Variants in AGBL1 observed in about 807,000 individuals in gnomAD.
The protein encoded by AGBL1 is cytosolic carboxypeptidase 4.
AGBL1 carries 130 observed loss-of-function variants against 118.9 expected under a neutral mutation model. That is an observed-to-expected ratio of 1.09 (90% CI 0.95 to 1.26). The LOEUF (loss-of-function observed/expected upper bound fraction) is 1.26. Ranked by LOEUF, AGBL1 falls within the 50% of genes most tolerant of loss-of-function variation. The pLI, the probability that AGBL1 is intolerant of heterozygous loss-of-function variation, is 0.00. For missense variants in AGBL1, 1,584 were observed against 1,298.1 expected (o/e 1.22, Z -3.38); for synonymous variants, 555 against 478.9 (o/e 1.16, Z -2.08).
chr15:86,986,970 G>A (rs572736224), intron 23 of AGBL1, among the ~76,000 whole-genome samples: 2 of 151,444 alleles, frequency 1.3e-5, no homozygotes, highest in Non-Finnish European at 3.0e-5. Flanking sequence ...ACAGTCAAAG[G>A]GGGGAGTTGT....
At chr15:86,522,981 T>C (rs920512705) in intron 19 of AGBL1, 42 bp downstream of exon 19, 1 of 1,593,160 alleles carries the variant, frequency 6.3e-7, no homozygotes, top group Non-Finnish European at 8.6e-7. Context: ...GGCTGCTTCC[T>C]TCTACCTTCC....
intron 20 of AGBL1, among the ~76,000 whole-genome samples, chr15:86,550,158 G>A (rs1254623782): frequency 1.3e-5 from 2 of 150,898 alleles, no homozygotes; most frequent in African/African-American, 4.9e-5. Context: ...CAAAAAGAGA[G>A]GAAAATAAAT....
intron 18 of AGBL1, among the ~76,000 whole-genome samples, chr15:86,499,345 G>A (rs939463013): frequency 1.3e-5 from 2 of 151,856 alleles, no homozygotes; most frequent in Non-Finnish European, 2.9e-5. Context: ...TTCTGGCTAG[G>A]CTGGGATTCT....
chr15:86,845,193 C>A (rs969349011), intron 22 of AGBL1, among the ~76,000 whole-genome samples: 11 of 151,980 alleles, frequency 7.2e-5, no homozygotes, highest in African/African-American at 2.7e-4. Flanking sequence ...TACAAAAGGT[C>A]TGTTGAGATT....
intron 22 of AGBL1, among the ~76,000 whole-genome samples, chr15:86,886,430 G>A (rs750757476): frequency 3.9e-5 from 6 of 152,160 alleles, no homozygotes; most frequent in Non-Finnish European, 7.3e-5. Context: ...AAGCAGCAGA[G>A]ATATTTGGTT....
intron 18 of AGBL1, among the ~76,000 whole-genome samples, chr15:86,509,053 A>C (rs2083021094): frequency 6.6e-6 from 1 of 152,180 alleles, no homozygotes; most frequent in African/African-American, 2.4e-5. Flanking sequence ...TGAGAGTCTA[A>C]AATTTAACAA....
intron 21 of AGBL1, among the ~76,000 whole-genome samples, chr15:86,654,103 A>T (rs953519304): frequency 7.2e-5 from 11 of 152,168 alleles, no homozygotes; most frequent in Non-Finnish European, 1.6e-4. Flanking sequence ...TCAAAATGCG[A>T]AGATTTTATT....
intron 9 of AGBL1, among the ~76,000 whole-genome samples, chr15:86,258,502 C>A (rs1440485106): frequency 6.6e-6 from 1 of 152,156 alleles, no homozygotes; most frequent in Non-Finnish European, 1.5e-5. Flanking sequence ...CACAACCTGG[C>A]CAGCAGAGAA....
intron 23 of AGBL1, among the ~76,000 whole-genome samples, chr15:86,925,164 G>GGAGGAGGAGGAGGAA (rs1254783834): frequency 8.1e-6 from 1 of 122,826 alleles, no homozygotes; most frequent in Non-Finnish European, 1.6e-5. Context: ...AGGAGGAGGA[G>GGAGGAGGAGGAGGAA]GAGGAAGAGG....
intron 21 of AGBL1, among the ~76,000 whole-genome samples, chr15:86,585,775 C>G: frequency 6.6e-6 from 1 of 152,184 alleles, no homozygotes; most frequent in South Asian, 2.1e-4. Context: ...TCTCTGTCAT[C>G]ACTTGGTTAT....
At chr15:86,917,751 G>A (rs573608668), downstream of AGBL1, among the ~76,000 whole-genome samples, 6 of 149,318 alleles carry the variant, frequency 4.0e-5, no homozygotes, top group Non-Finnish European at 7.4e-5. This position sits in a 1 kb window ranked among gnomAD's most constrained non-coding sequence, Gnocchi z 4.8. Context: ...TTCGGGGAGT[G>A]GGGCCAGGGG....
intron 18 of AGBL1, among the ~76,000 whole-genome samples, chr15:86,446,181 C>A (rs543162045): frequency 6.6e-6 from 1 of 152,236 alleles, no homozygotes; most frequent in Non-Finnish European, 1.5e-5. Flanking sequence ...CAACCTGCCA[C>A]TCTCCTGTCC....
intron 24 of AGBL1, among the ~76,000 whole-genome samples, chr15:87,005,940 G>A (rs2081495856): frequency 6.6e-6 from 1 of 152,226 alleles, no homozygotes; most frequent in Non-Finnish European, 1.5e-5. Flanking sequence ...CAGGTCTGTT[G>A]GAGTTTGCTG....
chr15:86,633,850 A>ATGTATATATATAATG (rs1436077227), intron 21 of AGBL1, among the ~76,000 whole-genome samples: 14 of 39,752 alleles, frequency 3.5e-4, no homozygotes, highest in African/African-American at 1.6e-3. Context: ...TATATAATGT[A>ATGTATATATATAATG]TATATATATA....
intron 22 of AGBL1, among the ~76,000 whole-genome samples, chr15:86,879,402 G>A (rs2079859038): frequency 6.6e-6 from 1 of 152,116 alleles, no homozygotes; most frequent in Non-Finnish European, 1.5e-5. Context: ...TGCTGAGTGT[G>A]CATCTTAGAG....
Position 86,689,125 on chromosome 15 carries a change from C to G in AGBL1, c.3158+14689C>G, listed in dbSNP as rs1473655379. ...GATGTCGACCAGATATTCTGTTTCT[C>G]TAACAGCCTGAGACGCATCAGTTCT... is the stretch of plus-strand genomic sequence containing the variant. On this transcript the variant is annotated intron_variant, in intron 22 of 22. Transcript: ENST00000614907. Among the ~76,000 whole-genome samples, 10 of 152,236 alleles carry G rather than the reference C, an allele frequency of 6.6e-5. No homozygotes were observed. In the East Asian group the frequency reaches 1.9e-3, roughly 29 times the overall value.
chr15:86,881,950 C>T (rs34394070), intron 22 of AGBL1, among the ~76,000 whole-genome samples: 38,380 of 152,068 alleles, frequency 0.25, 4,964 homozygotes, highest in Admixed American at 0.29. Context: ...ACGATCCAAT[C>T]GCCTCCCACC....
intron 21 of AGBL1, among the ~76,000 whole-genome samples, chr15:86,598,983 A>G (rs1291466720): frequency 6.6e-6 from 1 of 152,096 alleles, no homozygotes; most frequent in Non-Finnish European, 1.5e-5. Context: ...GGGAGAGTGT[A>G]TAATATTCCA....
intron 21 of AGBL1, among the ~76,000 whole-genome samples, chr15:86,561,963 A>G (rs1037491558): frequency 2.4e-4 from 36 of 152,116 alleles, no homozygotes; most frequent in African/African-American, 7.7e-4. Flanking sequence ...TTTGTCTGTT[A>G]TTGGTGTATA....
Sources: gnomAD v4.1 joint callset for allele counts (sites outside exome capture counted in the v4.1 genomes callset) on GRCh38, gnomAD v4.1.1 for gene constraint, Gnocchi (gnomAD v3.1) non-coding constraint, MANE v1.5 for transcripts, NCBI Gene and HGNC (gene_info 2026-07-23, HGNC 2026-07-21) for gene names.